The following TAFA5 variants were observed in gnomAD, a reference collection of about 807,000 sequenced individuals.
TAFA5 encodes chemokine-like protein TAFA-5.
A neutral mutation model predicts 15.3 loss-of-function variants in TAFA5; 6 were observed. The observed-to-expected ratio is 0.39, with a 90% CI of 0.21 to 0.77. TAFA5 has a LOEUF of 0.77. Among genes scored for constraint, TAFA5 ranks in the 30% least tolerant of loss-of-function variants. TAFA5 has a pLI of 0.41. For missense variants in TAFA5, 161 were observed against 193.1 expected (o/e 0.83, Z 0.98); for synonymous variants, 103 against 80.7 (o/e 1.28, Z -1.48).
At chr22:48,677,090 T>C (rs1214689954) in intron 2 of TAFA5, among the ~76,000 whole-genome samples, 1 of 152,260 alleles carries the variant, frequency 6.6e-6, no homozygotes, top group Non-Finnish European at 1.5e-5. Context: ...AAATCTGTAT[T>C]AAGACACAAT....
At chr22:48,521,634 A>T (rs1181977135) in intron 1 of TAFA5, among the ~76,000 whole-genome samples, 1 of 152,078 alleles carries the variant, frequency 6.6e-6, no homozygotes. Flanking sequence ...AGTTTCGGGG[A>T]GCCATCCCAG....
At chr22:48,677,840 G>A (rs1324723319) in intron 2 of TAFA5, among the ~76,000 whole-genome samples, 1 of 151,940 alleles carries the variant, frequency 6.6e-6, no homozygotes, top group African/African-American at 2.4e-5. Flanking sequence ...CCCCTGGGGA[G>A]GGATAGAGGA....
chr22:48,726,875 G>T lies in TAFA5; in HGVS notation c.390+19031G>T, dbSNP rs139273695. ...AGCCTCAATCCCCTGTGTAGGCCAC[G>T]TTCCATAGGACGGGCTGGGGGCTCA... is the stretch of plus-strand genomic sequence containing the variant. On this transcript the variant is annotated intron_variant, in intron 3 of 3. Transcript: ENST00000402357. 8.5e-5 allele frequency among the ~76,000 whole-genome samples: 13 copies of T among 152,286 alleles called. No individual in the cohort carries two copies. In the East Asian group the frequency reaches 2.3e-3, roughly 27 times the overall value.
intron 1 of TAFA5, among the ~76,000 whole-genome samples, chr22:48,584,696 C>A (rs755578267): frequency 1.9e-4 from 29 of 149,390 alleles, no homozygotes; most frequent in Non-Finnish European, 3.4e-4. Context: ...CACAAACACA[C>A]ACCACACAAA....
chr22:48,571,481 G>T, intron 1 of TAFA5, among the ~76,000 whole-genome samples: 1 of 148,732 alleles, frequency 6.7e-6, no homozygotes, highest in Non-Finnish European at 1.5e-5. Flanking sequence ...CACCATGTTG[G>T]CCAGGATGGT....
intron 1 of TAFA5, chr22:48,544,896 T>G (rs1165733066): frequency 2.1e-6 from 1 of 467,866 alleles, no homozygotes; most frequent in Non-Finnish European, 4.4e-6. Context: ...GGCTGAAGTC[T>G]GCATCTGTCC....
At chr22:48,738,492 C>G (rs931378158) in intron 3 of TAFA5, among the ~76,000 whole-genome samples, 6 of 152,108 alleles carry the variant, frequency 3.9e-5, no homozygotes, top group South Asian at 2.1e-4. Context: ...AGTCTCATCT[C>G]GCTGCCTCTG....
intron 1 of TAFA5, among the ~76,000 whole-genome samples, chr22:48,617,258 G>A (rs1925643635): frequency 1.7e-5 from 2 of 116,158 alleles, no homozygotes; most frequent in Non-Finnish European, 4.1e-5. Flanking sequence ...GGGGCATGAG[G>A]ACAAAGCAGA....
intron 1 of TAFA5, among the ~76,000 whole-genome samples, chr22:48,522,225 C>A (rs1022275480): frequency 6.6e-6 from 1 of 152,026 alleles, no homozygotes; most frequent in Admixed American, 6.5e-5. Flanking sequence ...CTGTCCCCTG[C>A]GTCTACCTGT....
chr22:48,710,559 C>T (rs77460147), intron 3 of TAFA5, among the ~76,000 whole-genome samples: 2,367 of 152,318 alleles, frequency 0.016, 64 homozygotes, highest in African/African-American at 0.054. Flanking sequence ...CTGCCGCGTC[C>T]GTCCAGGTCT....
intron 1 of TAFA5, among the ~76,000 whole-genome samples, chr22:48,521,763 A>G (rs1921608561): frequency 6.6e-6 from 1 of 152,110 alleles, no homozygotes; most frequent in Admixed American, 6.5e-5. Context: ...TCTTCGTTGA[A>G]TTTGTCATTA....
In TAFA5 at chr22:48,552,143, G is replaced by A. The variant is rs536582917; in HGVS notation, c.112+62439G>A. Reference sequence around the variant, plus strand: ...GAGCCCTCCTTGTGTGGGCTCCCGGGGACCACCAGAGAGCCCCTCCCAAGG... The same window carrying A: ...GAGCCCTCCTTGTGTGGGCTCCCGGAGACCACCAGAGAGCCCCTCCCAAGG... On this transcript the variant is annotated intron_variant, in intron 1 of 3. Coordinates refer to ENST00000402357, the MANE Select transcript of TAFA5 (RefSeq NM_001082967.3). The surrounding 1 kb of genome is among the most constrained non-coding windows in gnomAD (Gnocchi z 4.1). 1.9e-4 allele frequency among the ~76,000 whole-genome samples: 29 copies of A among 152,284 alleles called. No homozygotes were observed. The highest frequency in any genetic ancestry group is 5.2e-4 in the Admixed American group (8 of 15,304).
intron 3 of TAFA5, among the ~76,000 whole-genome samples, chr22:48,710,337 T>A (rs916459127): frequency 2.2e-4 from 33 of 152,132 alleles, no homozygotes; most frequent in African/African-American, 8.0e-4. Context: ...TTCATGGTGT[T>A]TTCCTTCACT....
intron 2 of TAFA5, among the ~76,000 whole-genome samples, chr22:48,686,605 T>C (rs1928361130): frequency 6.6e-6 from 1 of 152,200 alleles, no homozygotes; most frequent in Non-Finnish European, 1.5e-5. Flanking sequence ...TTTGGATGTT[T>C]GGGTGAGTGG....
chr22:48,659,203 G>A (rs57706473), intron 2 of TAFA5, among the ~76,000 whole-genome samples: 61 of 152,360 alleles, frequency 4.0e-4, no homozygotes, highest in African/African-American at 1.4e-3. Flanking sequence ...ACCCACAAAG[G>A]GACCCAGAAT....
At chr22:48,707,597 AG>A in intron 2 of TAFA5, 119 bp from the exon 3 acceptor site, 1 of 1,241,044 alleles carries the variant, frequency 8.1e-7, no homozygotes, top group Admixed American at 2.3e-5. Flanking sequence ...CCCTGGGTGG[AG>A]CCACGCCGGG....
intron 1 of TAFA5, 70 bp from the exon 2 acceptor site, chr22:48,646,527 T>G: frequency 6.4e-7 from 1 of 1,563,372 alleles, no homozygotes; most frequent in Non-Finnish European, 8.7e-7. Context: ...GTGGGTGGGC[T>G]CTGGGTGGGC....
intron 1 of TAFA5, among the ~76,000 whole-genome samples, chr22:48,504,339 G>T (rs537682122): frequency 6.6e-6 from 1 of 152,348 alleles, no homozygotes; most frequent in South Asian, 2.1e-4. Context: ...ATCCAGCCGT[G>T]CTTAGGGAGC....
At chr22:48,693,704 CTACT>C (rs1928613071) in intron 2 of TAFA5, among the ~76,000 whole-genome samples, 1 of 152,168 alleles carries the variant, frequency 6.6e-6, no homozygotes, top group African/African-American at 2.4e-5. Context: ...GGCCTCATTC[CTACT>C]CTCTCTCAGT....
Sources: allele counts gnomAD v4.1 joint callset (sites outside exome capture counted in the v4.1 genomes callset), GRCh38; gene constraint gnomAD v4.1.1; non-coding constraint Gnocchi (gnomAD v3.1); transcripts MANE v1.5; gene names NCBI Gene and HGNC (gene_info 2026-07-23, HGNC 2026-07-21).